ENTHD1: variants seen among roughly 807,000 people sequenced by gnomAD.
The protein encoded by ENTHD1 is ENTH domain containing 1, also known as ENTH domain-containing protein 1.
In ENTHD1, 23 loss-of-function variants were observed where a neutral mutation model predicts 39.1. The observed-to-expected ratio is 0.59, with a 90% CI of 0.42 to 0.83. The LOEUF (loss-of-function observed/expected upper bound fraction) is 0.83. ENTHD1 is among the 40% of genes least tolerant of loss of function. The pLI is 0.00. For missense variants in ENTHD1, 624 were observed against 705.4 expected (o/e 0.88, Z 1.31); for synonymous variants, 230 against 258.2 (o/e 0.89, Z 1.05).
intron 5 of ENTHD1, among the ~76,000 whole-genome samples, chr22:39,809,307 C>A (rs1291999681): frequency 6.6e-6 from 1 of 152,176 alleles, no homozygotes; most frequent in East Asian, 1.9e-4. Flanking sequence ...TCACACTACT[C>A]CTTCCTAAAT....
chr22:39,797,978 T>C (rs1313291676), intron 5 of ENTHD1, among the ~76,000 whole-genome samples: 1 of 152,196 alleles, frequency 6.6e-6, no homozygotes, highest in Non-Finnish European at 1.5e-5. Context: ...CTAAATCTCT[T>C]AATAGACTTA....
chr22:39,886,797 G>A (rs1473983846), intron 2 of ENTHD1, among the ~76,000 whole-genome samples: 1 of 152,000 alleles, frequency 6.6e-6, no homozygotes, highest in Non-Finnish European at 1.5e-5. Flanking sequence ...ATTATTTTAT[G>A]ATCTAAATTT....
intron 1 of ENTHD1, among the ~76,000 whole-genome samples, chr22:39,888,758 T>TG (rs778932726): frequency 5.6e-4 from 85 of 152,110 alleles, no homozygotes; most frequent in Non-Finnish European, 9.4e-4. Flanking sequence ...TGTGTAGAGA[T>TG]GGGGGTCTCA....
chr22:39,749,696 T>C (rs1045542289), intron 6 of ENTHD1, among the ~76,000 whole-genome samples: 4 of 152,242 alleles, frequency 2.6e-5, no homozygotes, highest in African/African-American at 9.6e-5. Context: ...AAGTTAACTA[T>C]ATACAAATTA....
At chr22:39,892,051 A>C (rs1055005753) in intron 1 of ENTHD1, among the ~76,000 whole-genome samples, 15 of 152,222 alleles carry the variant, frequency 9.9e-5, no homozygotes, top group Non-Finnish European at 1.5e-4. Flanking sequence ...AAAATTCTAT[A>C]GTTTTGAGCA....
rs2065806688 is a variant in ENTHD1 at position 39,824,208 on chromosome 22, T to TC, written c.712-3096_712-3095insG. Among the ~76,000 whole-genome samples, 3 of 134,000 alleles carry TC rather than the reference T, an allele frequency of 2.2e-5. No homozygotes were observed. The South Asian group carries it at 7.6e-4, about 34-fold the overall frequency. The allele number at this position is 134,000 out of a possible 152,430, so 87.9% of individuals were successfully genotyped here. The stretch of plus-strand genomic sequence containing the variant: ...TCATGCTTTTGTCCAGTTCTTTTTT[T>TC]TTTTTTTTTTTTTTTTTTTGAGACA... On this transcript the variant is annotated intron_variant, in intron 4 of 6. Transcript: ENST00000325157.
chr22:39,832,724 G>A (rs2065878559), intron 4 of ENTHD1, among the ~76,000 whole-genome samples: 1 of 152,088 alleles, frequency 6.6e-6, no homozygotes, highest in African/African-American at 2.4e-5. Context: ...ATAAAGGAAC[G>A]ACATCAAAAT....
intron 3 of ENTHD1, among the ~76,000 whole-genome samples, chr22:39,860,702 A>G (rs2066132815): frequency 6.6e-6 from 1 of 152,220 alleles, no homozygotes; most frequent in African/African-American, 2.4e-5. Flanking sequence ...GGAATTATCT[A>G]TTTGTACTGA....
chr22:39,851,671 GC>G (rs1192313824), intron 3 of ENTHD1, among the ~76,000 whole-genome samples: 4 of 152,334 alleles, frequency 2.6e-5, no homozygotes, highest in South Asian at 4.1e-4. Flanking sequence ...GCTCAAGACA[GC>G]CCCCAAACTC....
chr22:39,891,929 A>AT (rs932801093), intron 1 of ENTHD1, among the ~76,000 whole-genome samples: 18 of 150,616 alleles, frequency 1.2e-4, no homozygotes, highest in East Asian at 1.9e-4. Flanking sequence ...CTCAAAAAAA[A>AT]TTTTTTTTTT....
At position 39,765,419 on chromosome 22, in the gene ENTHD1, C is replaced by A. The variant is rs945123402; in HGVS notation, c.1023G>T (p.Glu341Asp). Residue 341 changes from glutamate (E) to aspartate (D), a missense_variant, in exon 6 of 7, where the codon GAG becomes GAT. By Grantham distance (45) the Glu-to-Asp change is conservative. Coordinates refer to ENST00000325157, the MANE Select transcript of ENTHD1 (RefSeq NM_152512.4). ...ATACCCTTAAGTCGGGGCTGATAAA[C>A]TCCTCTTTACTTGACCAACATGCTG... ...ILPACWSSKE[E>D]FISPDLRVSK... is the part of the protein sequence containing the mutation. The A allele has an allele frequency of 3.1e-6, 5 of 1,613,870 alleles. No homozygotes were observed. In the Admixed American group the frequency reaches 6.7e-5, roughly 22 times the overall value.
At chr22:39,813,905 T>G (rs2065712632) in intron 5 of ENTHD1, among the ~76,000 whole-genome samples, 1 of 152,146 alleles carries the variant, frequency 6.6e-6, no homozygotes, top group African/African-American at 2.4e-5. Flanking sequence ...CTATTCATTT[T>G]CATCAACAAA....
chr22:39,829,895 C>T (rs2065855454), intron 4 of ENTHD1, among the ~76,000 whole-genome samples: 1 of 152,014 alleles, frequency 6.6e-6, no homozygotes. Context: ...ATGGGGGTCT[C>T]ACTACGTTGC....
intron 5 of ENTHD1, among the ~76,000 whole-genome samples, chr22:39,808,980 C>T (rs2146629009): frequency 6.6e-6 from 1 of 152,292 alleles, no homozygotes; most frequent in South Asian, 2.1e-4. Flanking sequence ...TTAATGTCAA[C>T]CACATAATAC....
chr22:39,812,396 G>A (rs939171305), intron 5 of ENTHD1, among the ~76,000 whole-genome samples: 16 of 152,148 alleles, frequency 1.1e-4, no homozygotes, highest in African/African-American at 3.9e-4. Flanking sequence ...GTATTGGCCG[G>A]GGACTTAGAA....
At chr22:39,801,880 GCA>G (rs2065601360) in intron 5 of ENTHD1, among the ~76,000 whole-genome samples, 2 of 151,920 alleles carry the variant, frequency 1.3e-5, no homozygotes, top group Admixed American at 1.3e-4. Context: ...CATCCAGAAA[GCA>G]CAGTTAACAT....
intron 3 of ENTHD1, among the ~76,000 whole-genome samples, chr22:39,859,912 G>A (rs1569171276): frequency 1.3e-5 from 2 of 152,082 alleles, no homozygotes; most frequent in South Asian, 2.1e-4. Context: ...AAGTGCAATC[G>A]ATCGAGGTAT....
chr22:39,793,302 A>G (rs1379841587), intron 5 of ENTHD1, among the ~76,000 whole-genome samples: 3 of 145,498 alleles, frequency 2.1e-5, no homozygotes, highest in Admixed American at 2.0e-4. Flanking sequence ...GAAATGTCTA[A>G]TCATGTCCCT....
At chr22:39,891,475 C>CTTT (rs58033623) in intron 1 of ENTHD1, among the ~76,000 whole-genome samples, 130 of 142,702 alleles carry the variant, frequency 9.1e-4, no homozygotes, top group Non-Finnish European at 1.1e-3. Flanking sequence ...ATTATAATCA[C>CTTT]TTTTTTTTTT....
Sources: allele counts gnomAD v4.1 joint callset (sites outside exome capture counted in the v4.1 genomes callset), GRCh38; gene constraint gnomAD v4.1.1; transcripts MANE v1.5; gene names NCBI Gene and HGNC (gene_info 2026-07-23, HGNC 2026-07-21).